The following TBC1D16 variants were observed in gnomAD, a reference collection of about 807,000 sequenced individuals.
TBC1D16 encodes CTD-2529O21.1.
In TBC1D16, 58 loss-of-function variants were observed where a neutral mutation model predicts 74.7. The observed-to-expected ratio is 0.78, with a 90% CI of 0.63 to 0.97. The LOEUF is 0.97. Ranked by LOEUF, TBC1D16 falls within the 50% of genes least tolerant of loss-of-function variation. The probability of loss-of-function intolerance (pLI) is 0.00; values close to 1 mark genes in which losing one functional copy is unlikely to be tolerated. For missense variants in TBC1D16, 1,014 were observed against 1,079.5 expected, an observed-to-expected ratio of 0.94 and a Z score of 0.85; for synonymous variants, 493 against 474.7, an observed-to-expected ratio of 1.04 and a Z score of -0.50.
At chr17:79,952,493 A>G (rs2033115342) in intron 4 of TBC1D16, among the ~76,000 whole-genome samples, 164 bp downstream of exon 4, 1 of 152,188 alleles carries the variant, frequency 6.6e-6, no homozygotes, top group African/African-American at 2.4e-5. Flanking sequence ...GCAGTGGGGA[A>G]TCACTGCCCA....
rs1208075330 is a variant in TBC1D16, at chr17:79,993,268, G to A, written c.779+16892C>T. Among the ~76,000 whole-genome samples the A allele has an allele frequency of 2.6e-5, 4 of 152,188 alleles. No individual in the cohort carries two copies. In the South Asian group the frequency reaches 6.2e-4, roughly 24 times the overall value. Reference sequence around the variant, plus strand: ...TAATAAGGTCAGGGATATGCCCCAGGCCGCCTGCTTCCACCAGCCAGTCCC... The same window carrying A: ...TAATAAGGTCAGGGATATGCCCCAGACCGCCTGCTTCCACCAGCCAGTCCC... On this transcript the variant is annotated intron_variant, in intron 3 of 11. Transcript: ENST00000310924. This position sits in a 1 kb window ranked among gnomAD's most constrained non-coding sequence, Gnocchi z 5.1.
chr17:79,933,397 T>A lies in TBC1D16; in HGVS notation c.*7462A>T, dbSNP rs2031379971. 6.6e-6 allele frequency: 1 copy of A among 152,082 alleles called. No individual in the cohort carries two copies. Among genetic ancestry groups the A allele is most frequent in the South Asian group, 2.1e-4 (1 of 4,822 alleles). 9.4% of individuals were successfully genotyped at this position (152,082 alleles called of 1,614,324 possible). On this transcript the variant is annotated 3_prime_UTR_variant, in exon 12 of 12. Transcript: ENST00000310924. ...CAAAGCCAGACCTCCCGGGATTCCT[T>A]GAGTTTGGACAAAGGGTGTCCCGAC...
At chr17:80,034,200 CTTTT>C (rs35010521) in intron 1 of TBC1D16, among the ~76,000 whole-genome samples, 3 of 120,840 alleles carry the variant, frequency 2.5e-5, no homozygotes, top group Non-Finnish European at 1.7e-5. Flanking sequence ...TTTTTTTTTC[CTTTT>C]TTTTTTTTTT....
At chr17:79,973,163 C>G (rs925646756) in intron 3 of TBC1D16, among the ~76,000 whole-genome samples, 4 of 152,374 alleles carry the variant, frequency 2.6e-5, no homozygotes, top group African/African-American at 9.6e-5. Context: ...CCGTTGGTGC[C>G]TGAAACCTTG....
chr17:79,962,916 G>C (rs1025189503), intron 3 of TBC1D16, among the ~76,000 whole-genome samples: 2 of 152,078 alleles, frequency 1.3e-5, no homozygotes, highest in Admixed American at 1.3e-4. Context: ...ACAGAAATTA[G>C]CCAGGTGTGG....
rs2032037366 is a variant in TBC1D16, at chr17:79,941,910, G to A, written c.2055+150C>T. 1.5e-6 allele frequency: 1 copy of A among 689,596 alleles called. No individual in the cohort carries two copies. Among genetic ancestry groups the A allele is most frequent in the Non-Finnish European group, 2.5e-6 (1 of 406,960 alleles). 42.7% of individuals were successfully genotyped at this position (689,596 alleles called of 1,614,324 possible). On this transcript the variant is annotated intron_variant, in intron 11 of 11. Coordinates refer to ENST00000310924, the MANE Select transcript of TBC1D16 (RefSeq NM_019020.4). This position sits in a 1 kb window ranked among gnomAD's most constrained non-coding sequence, Gnocchi z 4.3. ...TGGGGAGCCCCCAGTGCTATGGGTG[G>A]GGGAGGGCACGTGCTGGGGGGCCAT...
intron 1 of TBC1D16, among the ~76,000 whole-genome samples, chr17:80,026,536 C>T (rs185962763): frequency 6.7e-6 from 1 of 149,778 alleles, no homozygotes; most frequent in Admixed American, 6.6e-5. Flanking sequence ...GAGGCGTGGA[C>T]GAGGGTGGAG....
rs61732677 is a variant in TBC1D16 at position 79,952,845 on chromosome 17, G to A, written c.780-27C>T. ...TGGTGGAACAGGTTATGTGATGATC[G>A]CCACACTTCTCCCTGCCCACACTAC... On this transcript the variant is annotated intron_variant, in intron 3 of 11. Transcript: ENST00000310924. 2,295 of 1,582,712 alleles carry A rather than the reference G, an allele frequency of 1.5e-3. 23 individuals are homozygous for A. In the African/African-American group the frequency reaches 0.027, roughly 19 times the overall value.
chr17:79,950,581 G>T lies in TBC1D16; in HGVS notation c.1090-3C>A, dbSNP rs776320765. On this transcript the variant is annotated splice_region_variant and splice_polypyrimidine_tract_variant and intron_variant, in intron 5 of 11. Transcript: ENST00000310924. The surrounding 1 kb of genome is among the most constrained non-coding windows in gnomAD (Gnocchi z 4.6). The stretch of plus-strand genomic sequence containing the variant: ...CATGTCTTATCGGGGGCGACCTGCT[G>T]GACGGGAGGAAAACTGGGCAAAGGT... 2.5e-6 allele frequency: 4 copies of T among 1,610,982 alleles called. No homozygotes were observed. The highest frequency in any genetic ancestry group is 3.4e-6 in the Non-Finnish European group (4 of 1,178,998).
rs1004661775 is a variant in TBC1D16, at chr17:79,976,729, C to A, written c.780-23911G>T. 3.2e-4 allele frequency among the ~76,000 whole-genome samples: 49 copies of A among 152,172 alleles called. 1 individual carries two copies. The highest frequency in any genetic ancestry group is 6.8e-4 in the Non-Finnish European group (46 of 68,020). On this transcript the variant is annotated intron_variant, in intron 3 of 11. Coordinates refer to ENST00000310924, the MANE Select transcript of TBC1D16 (RefSeq NM_019020.4). ...CGTCATTATCCTGGAGGGTTTAAGTCCCCCGAGGCAGGAGCCAAAGGGAAC... is the reference window on the plus strand; with the variant it reads ...CGTCATTATCCTGGAGGGTTTAAGTACCCCGAGGCAGGAGCCAAAGGGAAC...
chr17:79,947,574 C>G, intron 9 of TBC1D16, 71 bp downstream of exon 9: 5 of 1,557,106 alleles, frequency 3.2e-6, no homozygotes, highest in Non-Finnish European at 4.4e-6. Context: ...CCACGGCAAC[C>G]CCGGCTACAA....
chr17:80,009,993 T>C lies in TBC1D16; in HGVS notation c.779+167A>G, dbSNP rs1038903161. Among the ~76,000 whole-genome samples, 6 of 152,128 alleles carry C rather than the reference T, an allele frequency of 3.9e-5. No individual in the cohort carries two copies. Among genetic ancestry groups the C allele is most frequent in the African/African-American group, 9.7e-5 (4 of 41,428 alleles). On this transcript the variant is annotated intron_variant, in intron 3 of 11. Coordinates refer to ENST00000310924, the MANE Select transcript of TBC1D16 (RefSeq NM_019020.4). This position sits in a 1 kb window ranked among gnomAD's most constrained non-coding sequence, Gnocchi z 5.4. ...AAGTGGGGACTCCCTGCTGAAGCCC[T>C]TGCCTCAGGGAGGGGCTCCTGCCAC...
At chr17:79,957,022 A>G (rs953912484) in intron 3 of TBC1D16, among the ~76,000 whole-genome samples, 1 of 152,156 alleles carries the variant, frequency 6.6e-6, no homozygotes, top group African/African-American at 2.4e-5. Flanking sequence ...CTGTGGCCAC[A>G]GCAGCAGGGA....
Position 80,009,596 on chromosome 17 carries a change from G to A in TBC1D16, c.779+564C>T, listed in dbSNP as rs1038413451. Among the ~76,000 whole-genome samples, 9 of 152,220 alleles carry A rather than the reference G, an allele frequency of 5.9e-5. No individual in the cohort carries two copies. Among genetic ancestry groups the A allele is most frequent in the African/African-American group, 1.9e-4 (8 of 41,460 alleles). On this transcript the variant is annotated intron_variant, in intron 3 of 11. Coordinates refer to ENST00000310924, the MANE Select transcript of TBC1D16 (RefSeq NM_019020.4). This position sits in a 1 kb window ranked among gnomAD's most constrained non-coding sequence, Gnocchi z 5.4. ...GGGTGAATATGGTCAACACTGCCCC[G>A]GGACTACATCCATCCTCCACAGCTA...
rs2033154659 is a variant in TBC1D16 at position 79,952,951 on chromosome 17, T to G, written c.780-133A>C. 9.9e-6 allele frequency: 10 copies of G among 1,006,378 alleles called. No individual in the cohort carries two copies. The Admixed American group carries it at 2.4e-4, about 24-fold the overall frequency. 62.3% of individuals were successfully genotyped at this position (1,006,378 alleles called of 1,614,324 possible). A position where few individuals can be genotyped will look rare whatever the true frequency, so the allele number is the denominator to read the frequency against. ...ACACACATACAGGCACGGCTGAATA[T>G]GCCCTGTAAACACCTGTGAATAAAT... On this transcript the variant is annotated intron_variant, in intron 3 of 11. Coordinates refer to ENST00000310924, the MANE Select transcript of TBC1D16 (RefSeq NM_019020.4).
In TBC1D16 at chr17:79,934,008, T is replaced by C. The variant is rs1014254737; in HGVS notation, c.*6851A>G. On this transcript the variant is annotated 3_prime_UTR_variant, in exon 12 of 12. Transcript: ENST00000310924. ...AGTGTAAACGCTGAGTCATGCTCGC[T>C]GCCCAGCTGTGTGGCAAGGGCACTC... 3 of 152,220 alleles carry C rather than the reference T, an allele frequency of 2.0e-5. No homozygotes were observed. Among genetic ancestry groups the C allele is most frequent in the Non-Finnish European group, 4.4e-5 (3 of 68,054 alleles). 9.4% of individuals were successfully genotyped at this position (152,220 alleles called of 1,614,324 possible). A position where few individuals can be genotyped will look rare whatever the true frequency, so the allele number is the denominator to read the frequency against.
rs1459044999 is a variant in TBC1D16, at chr17:79,944,910, G to A, written c.1906C>T (p.Gln636Ter). 3.9e-6 allele frequency: 6 copies of A among 1,549,840 alleles called. No individual in the cohort carries two copies. Among genetic ancestry groups the A allele is most frequent in the South Asian group, 1.2e-5 (1 of 83,986 alleles). Residue 636 changes from glutamine (Q) to a stop codon, truncating the protein, a stop_gained and splice_region_variant, in exon 10 of 12, where the codon CAG becomes TAG. Transcript: ENST00000310924. LOFTEE classifies it high-confidence loss of function. The surrounding 1 kb of genome is among the most constrained non-coding windows in gnomAD (Gnocchi z 7.7). ...RIWEACWAHY[Q>*]TDYFHLFICV... ...GCCCTGGCCCCTGCCCTGGTCACCT[G>A]GTAGTGGGCCCAGCAGGCCTCCCAG...
Position 79,956,931 on chromosome 17 carries a change from G to C in TBC1D16, c.780-4113C>G, listed in dbSNP as rs2033363674. 6.6e-6 allele frequency among the ~76,000 whole-genome samples: 1 copy of C among 152,230 alleles called. No homozygotes were observed. Among genetic ancestry groups the C allele is most frequent in the South Asian group, 2.1e-4 (1 of 4,836 alleles). ...AACTTCTGCCTGGAGGCACGTTGCT[G>C]GGGGAGGTGTGCGGTGGCTCCTGGG... On this transcript the variant is annotated intron_variant, in intron 3 of 11. Coordinates refer to ENST00000310924, the MANE Select transcript of TBC1D16 (RefSeq NM_019020.4). The surrounding 1 kb of genome is among the most constrained non-coding windows in gnomAD (Gnocchi z 4.0).
At chr17:79,949,058 T>TCGTGTGGC in intron 7 of TBC1D16, 52 bp from the exon 8 acceptor site, 1 of 1,610,728 alleles carries the variant, frequency 6.2e-7, no homozygotes. Context: ...CCCAGAGGCA[T>TCGTGTGGC]CGTGTGGCGC....
Sources: allele counts gnomAD v4.1 joint callset (sites outside exome capture counted in the v4.1 genomes callset), GRCh38; gene constraint gnomAD v4.1.1; non-coding constraint Gnocchi (gnomAD v3.1); transcripts MANE v1.5; gene names NCBI Gene and HGNC (gene_info 2026-07-23, HGNC 2026-07-21).